The following IL1RAPL2 variants were observed in gnomAD, a reference collection of about 807,000 sequenced individuals.
The protein encoded by IL1RAPL2 is interleukin 1 receptor accessory protein like 2.
Under a neutral mutation model 44.1 loss-of-function variants are expected in IL1RAPL2, and 3 were observed. That is an observed-to-expected ratio of 0.07 (90% CI 0.03 to 0.18). The LOEUF (loss-of-function observed/expected upper bound fraction) is 0.18, where lower values mean the gene tolerates loss of function less well. Ranked by LOEUF, IL1RAPL2 falls within the 10% of genes least tolerant of loss-of-function variation. IL1RAPL2 has a pLI of 1.00. For synonymous variants in IL1RAPL2, 181 were observed against 178.8 expected (o/e 1.01, Z -0.10); for missense variants, 391 against 496.4 (o/e 0.79, Z 2.02).
intron 2 of IL1RAPL2, among the ~76,000 whole-genome samples, chrX:104,812,207 G>C (rs1005438383): frequency 1.8e-5 from 2 of 111,275 alleles, no homozygotes; most frequent in African/African-American, 3.3e-5. Flanking sequence ...TGTGATCCTA[G>C]ACCCCTGGAA....
At chrX:104,946,409 A>AAAAAAAAAAAAAAAAAAATT (rs1163144267) in intron 2 of IL1RAPL2, among the ~76,000 whole-genome samples, 1 of 84,963 alleles carries the variant, frequency 1.2e-5, no homozygotes, top group Non-Finnish European at 2.3e-5. Flanking sequence ...AAAAAAAAAA[A>AAAAAAAAAAAAAAAAAAATT]CTTTTTAAAA....
At chrX:105,626,817 C>T (rs1189802818) in intron 6 of IL1RAPL2, among the ~76,000 whole-genome samples, 1 of 111,325 alleles carries the variant, frequency 9.0e-6, no homozygotes, top group African/African-American at 3.3e-5. Flanking sequence ...TTATTTTCTA[C>T]CTTTCCTTAA....
intron 1 of IL1RAPL2, among the ~76,000 whole-genome samples, chrX:104,608,872 G>T (rs749172011): frequency 9.6e-4 from 106 of 110,962 alleles, no homozygotes; most frequent in African/African-American, 3.3e-3. Context: ...ATTGTTATGT[G>T]TGTGAATTTG....
chrX:104,893,308 C>T (rs750277922), intron 2 of IL1RAPL2, among the ~76,000 whole-genome samples: 23 of 111,435 alleles, frequency 2.1e-4, no homozygotes, highest in African/African-American at 7.2e-4. Flanking sequence ...CTATTAGGTC[C>T]ACTTGGTGCA....
At chrX:105,357,574 G>A (rs1371003543) in intron 5 of IL1RAPL2, among the ~76,000 whole-genome samples, 1 of 110,460 alleles carries the variant, frequency 9.1e-6, no homozygotes, top group African/African-American at 3.3e-5. Flanking sequence ...GGGAATGGTT[G>A]TTGCTCTTAT....
chrX:105,750,119 T>C lies in IL1RAPL2; in HGVS notation c.1192+1016T>C, dbSNP rs2038583337. On this transcript the variant is annotated intron_variant, in intron 9 of 10. Coordinates refer to ENST00000372582, the MANE Select transcript of IL1RAPL2 (RefSeq NM_017416.2). ...TATAGTGATAGATGTAATGTCAAAA[T>C]TTTTGAGGAATCTGATTTTGGTCTT... Among the ~76,000 whole-genome samples the C allele has an allele frequency of 3.6e-5, 4 of 110,996 alleles. No homozygotes were observed. The South Asian group carries it at 1.1e-3, about 32-fold the overall frequency.
chrX:104,641,606 C>T (rs1929935553), intron 1 of IL1RAPL2, among the ~76,000 whole-genome samples: 1 of 111,592 alleles, frequency 9.0e-6, no homozygotes, highest in Non-Finnish European at 1.9e-5. Flanking sequence ...CTAGATCATG[C>T]CCCCACCCCA....
At chrX:105,425,619 G>A (rs745452999) in intron 5 of IL1RAPL2, among the ~76,000 whole-genome samples, 3 of 108,365 alleles carry the variant, frequency 2.8e-5, no homozygotes, top group Non-Finnish European at 3.8e-5. Context: ...TTGCTGATTC[G>A]TGTAAGCAAA....
chrX:105,664,680 T>C (rs182619049), intron 6 of IL1RAPL2, among the ~76,000 whole-genome samples: 1 of 111,800 alleles, frequency 8.9e-6, no homozygotes, highest in Non-Finnish European at 1.9e-5. Context: ...AGAATGTCTC[T>C]AATCTAGCCT....
intron 2 of IL1RAPL2, among the ~76,000 whole-genome samples, chrX:104,711,042 T>C (rs896940934): frequency 3.6e-5 from 4 of 111,676 alleles, no homozygotes; most frequent in African/African-American, 1.3e-4. Context: ...ATTGTTATCA[T>C]AGGAGACAAC....
intron 6 of IL1RAPL2, among the ~76,000 whole-genome samples, chrX:105,654,815 A>T (rs2037666656): frequency 8.9e-6 from 1 of 111,789 alleles, no homozygotes; most frequent in Non-Finnish European, 1.9e-5. Context: ...TGGCTTTCAG[A>T]TACACATCAA....
At chrX:105,144,442 T>C (rs2033160397) in intron 2 of IL1RAPL2, among the ~76,000 whole-genome samples, 1 of 111,271 alleles carries the variant, frequency 9.0e-6, no homozygotes, top group African/African-American at 3.3e-5. Context: ...AACTCGTAGT[T>C]AAGATGTAAG....
chrX:104,727,556 C>T (rs1269030832), intron 2 of IL1RAPL2, among the ~76,000 whole-genome samples: 1 of 111,211 alleles, frequency 9.0e-6, no homozygotes, highest in Non-Finnish European at 1.9e-5. Context: ...ATTGAACTGC[C>T]ATTTGATCCA....
At chrX:105,318,133 T>C (rs187184271) in intron 5 of IL1RAPL2, among the ~76,000 whole-genome samples, 187 of 110,521 alleles carry the variant, frequency 1.7e-3, no homozygotes, top group East Asian at 0.012. Flanking sequence ...CCACCACGCC[T>C]GGCTAATTTT....
intron 2 of IL1RAPL2, among the ~76,000 whole-genome samples, chrX:104,789,050 C>G (rs1359056888): frequency 8.9e-6 from 1 of 112,022 alleles, no homozygotes; most frequent in African/African-American, 3.2e-5. Context: ...TAAAAGCCGC[C>G]TTTCTTCTCA....
chrX:105,476,520 T>TA (rs760749049), intron 5 of IL1RAPL2, among the ~76,000 whole-genome samples: 1 of 112,079 alleles, frequency 8.9e-6, no homozygotes, highest in South Asian at 3.7e-4. Flanking sequence ...GTGGTGAGCC[T>TA]ATCACAAATG....
intron 2 of IL1RAPL2, among the ~76,000 whole-genome samples, chrX:104,696,671 G>A (rs1931188028): frequency 9.0e-6 from 1 of 111,708 alleles, no homozygotes. Flanking sequence ...TGACCAGCCA[G>A]TATTGGAGAG....
chrX:105,342,228 ACAGCACAGCAACGTGG>A (rs1379169839), intron 5 of IL1RAPL2, among the ~76,000 whole-genome samples: 1 of 109,553 alleles, frequency 9.1e-6, no homozygotes, highest in African/African-American at 3.3e-5. Context: ...GTTAATGGGT[ACAGCACAGCAACGTGG>A]CACATGTATA....
At chrX:104,872,767 A>G in intron 2 of IL1RAPL2, among the ~76,000 whole-genome samples, 1 of 111,459 alleles carries the variant, frequency 9.0e-6, no homozygotes, top group East Asian at 2.8e-4. Context: ...TATTCAGGCA[A>G]AGGCATCTGT....
Sources: allele counts gnomAD v4.1 joint callset (sites outside exome capture counted in the v4.1 genomes callset), GRCh38; gene constraint gnomAD v4.1.1; transcripts MANE v1.5; gene names NCBI Gene and HGNC (gene_info 2026-07-23, HGNC 2026-07-21).